Variants in MFSD11 observed in about 807,000 individuals in gnomAD.
MFSD11 encodes the protein UNC93-like protein MFSD11.
A neutral mutation model predicts 53.5 loss-of-function variants in MFSD11; 36 were observed. That is an observed-to-expected ratio of 0.67 (90% CI 0.52 to 0.89). MFSD11 has a LOEUF of 0.89. Among genes scored for constraint, MFSD11 ranks in the 40% least tolerant of loss-of-function variants. The pLI is 0.00. For missense variants in MFSD11, 530 were observed against 543.9 expected (o/e 0.97, Z 0.25); for synonymous variants, 186 against 184.9 (o/e 1.01, Z -0.05).
chr17:76,770,014 T>C (rs1004774158), intron 10 of MFSD11, 143 bp downstream of exon 10: 16 of 746,516 alleles, frequency 2.1e-5, no homozygotes, highest in Non-Finnish European at 3.2e-5. Context: ...TATTTTTCTA[T>C]TATTGCTATT....
chr17:76,737,298 G>A (rs535772387), upstream of MFSD11: 469 of 1,214,364 alleles, frequency 3.9e-4, 2 homozygotes, highest in African/African-American at 1.3e-3. Flanking sequence ...CAGCACGGAC[G>A]GGCTCCGCAG....
intron 10 of MFSD11, 90 bp downstream of exon 10, chr17:76,769,961 A>T: frequency 8.1e-7 from 1 of 1,231,756 alleles, no homozygotes; most frequent in East Asian, 2.5e-5. Context: ...TTTGTCCTTG[A>T]ATTTCTGTTT....
chr17:76,746,241 C>T (rs1243754876), intron 7 of MFSD11, among the ~76,000 whole-genome samples: 2 of 152,186 alleles, frequency 1.3e-5, no homozygotes, highest in African/African-American at 4.8e-5. Context: ...TCCCTCTCTT[C>T]AATTCTGTGA....
chr17:76,803,083 G>A, the MFSD11 span, among the ~76,000 whole-genome samples: 1 of 152,164 alleles, frequency 6.6e-6, no homozygotes, highest in Admixed American at 6.5e-5. Context: ...GTGAACCCGG[G>A]AGGCAGAGGT....
downstream of MFSD11, among the ~76,000 whole-genome samples, chr17:76,782,113 G>T (rs183111408): frequency 1.8e-3 from 270 of 151,754 alleles, 3 homozygotes; most frequent in African/African-American, 6.3e-3. Context: ...GAGCTACTAT[G>T]CTTTTTTTTC....
At chr17:76,798,751 G>A in the MFSD11 span, among the ~76,000 whole-genome samples, 1 of 152,222 alleles carries the variant, frequency 6.6e-6, no homozygotes, top group East Asian at 1.9e-4. Context: ...AATGAGGCAG[G>A]GCATGGTGGC....
intron 8 of MFSD11, among the ~76,000 whole-genome samples, chr17:76,760,488 A>G (rs890559294): frequency 6.6e-6 from 1 of 151,854 alleles, no homozygotes; most frequent in African/African-American, 2.4e-5. Flanking sequence ...TCAAGGGTCA[A>G]CTGTGTAAGT....
intron 6 of MFSD11, 75 bp from the exon 7 acceptor site, chr17:76,744,247 G>A: frequency 1.4e-6 from 2 of 1,406,116 alleles, no homozygotes. Context: ...ACAGTTGTAA[G>A]CAGCCCTTGT....
downstream of MFSD11, among the ~76,000 whole-genome samples, chr17:76,781,847 G>T (rs187483011): frequency 6.6e-5 from 10 of 152,190 alleles, no homozygotes; most frequent in Admixed American, 6.5e-4. Flanking sequence ...TTAGAGACAG[G>T]GTCTTGCTTT....
chr17:76,756,582 C>T (rs183453085), intron 8 of MFSD11, among the ~76,000 whole-genome samples: 17 of 151,850 alleles, frequency 1.1e-4, no homozygotes, highest in Admixed American at 6.6e-4. Flanking sequence ...ATTATTAGGC[C>T]GGGTGCAGTG....
intron 5 of MFSD11, among the ~76,000 whole-genome samples, chr17:76,742,725 C>T (rs1193201013): frequency 8.5e-5 from 13 of 152,072 alleles, no homozygotes; most frequent in African/African-American, 3.1e-4. Flanking sequence ...AGGCTGGTCT[C>T]GAACTCCTGA....
At chr17:76,740,841 AATAAT>A (rs1276788247) in intron 2 of MFSD11, 111 bp from the exon 3 acceptor site, 8 of 649,342 alleles carry the variant, frequency 1.2e-5, no homozygotes, top group African/African-American at 3.7e-5. Context: ...ATTCTGACTA[AATAAT>A]ATGAGTGTTT....
At chr17:76,736,739 G>C (rs1013691314), upstream of MFSD11, 3 of 1,387,588 alleles carry the variant, frequency 2.2e-6, no homozygotes, top group Non-Finnish European at 2.8e-6. Context: ...CCTTTGTGAG[G>C]TCGCCCGGGC....
chr17:76,776,272 C>A lies in MFSD11; in HGVS notation c.1050-134C>A. 1.1e-6 allele frequency: 1 copy of A among 922,438 alleles called. No homozygotes were observed. The allele number at this position is 922,438 out of a possible 1,614,324, so 57.1% of individuals were successfully genotyped here. On this transcript the variant is annotated intron_variant, in intron 11 of 12. Coordinates refer to ENST00000685175, the MANE Select transcript of MFSD11 (RefSeq NM_001242532.5). This position sits in a 1 kb window ranked among gnomAD's most constrained non-coding sequence, Gnocchi z 4.2. ...GGGATTCCAGGTGTGAGCCACCGCA[C>A]CAGCTTTGTCTTTATTTTTGTTTCA...
At chr17:76,781,988 AT>A (rs57536397), downstream of MFSD11, among the ~76,000 whole-genome samples, 335 of 137,292 alleles carry the variant, frequency 2.4e-3, no homozygotes, top group Middle Eastern at 3.7e-3. Context: ...TGCCTGGATA[AT>A]TTTTTTTTTT....
At chr17:76,798,462 A>G in the MFSD11 span, among the ~76,000 whole-genome samples, 1 of 152,122 alleles carries the variant, frequency 6.6e-6, no homozygotes, top group African/African-American at 2.4e-5. Flanking sequence ...CCTTCTAATC[A>G]CTTGGTCTTT....
chr17:76,758,160 A>T (rs544665448), intron 8 of MFSD11, among the ~76,000 whole-genome samples: 5 of 152,228 alleles, frequency 3.3e-5, no homozygotes, highest in Non-Finnish European at 7.3e-5. Context: ...GGAATATAGG[A>T]TACAATAAAA....
chr17:76,737,940 C>A, upstream of MFSD11: 1 of 215,062 alleles, frequency 4.6e-6, no homozygotes, highest in Non-Finnish European at 9.2e-6. Flanking sequence ...CTACGTTTCC[C>A]AGCGGGCCGA....
intron 8 of MFSD11, among the ~76,000 whole-genome samples, chr17:76,766,321 A>C (rs2080849105): frequency 6.6e-6 from 1 of 150,860 alleles, no homozygotes. Flanking sequence ...CAGGAGGCTG[A>C]GGCAGGAGAA....
Sources: allele counts gnomAD v4.1 joint callset (sites outside exome capture counted in the v4.1 genomes callset), GRCh38; gene constraint gnomAD v4.1.1; non-coding constraint Gnocchi (gnomAD v3.1); transcripts MANE v1.5; gene names NCBI Gene and HGNC (gene_info 2026-07-23, HGNC 2026-07-21).